Variants in MUC3A observed in about 807,000 individuals in gnomAD.
MUC3A encodes the protein mucin 3A, cell surface associated.
Under a neutral mutation model 109.0 loss-of-function variants are expected in MUC3A, and 109 were observed. That is an observed-to-expected ratio of 1.00 (90% confidence interval 0.86 to 1.17). The LOEUF (loss-of-function observed/expected upper bound fraction) is 1.17. Among genes scored for constraint, MUC3A ranks in the 50% most tolerant of loss-of-function variants. MUC3A has a pLI of 0.00. For missense variants in MUC3A, 3,537 were observed against 2,469.4 expected, an observed-to-expected ratio of 1.43 and a Z score of -9.16; for synonymous variants, 1,398 against 981.4, an observed-to-expected ratio of 1.42 and a Z score of -7.93.
intron 5 of MUC3A, 113 bp from the exon 6 acceptor site, chr7:100,964,582 T>C (rs2116220025): frequency 1.4e-6 from 2 of 1,451,888 alleles, no homozygotes; most frequent in East Asian, 4.8e-5. Context: ...TCCCAACTCA[T>C]GACCTCTGCT....
chr7:100,965,453 G>A (rs887011881), intron 7 of MUC3A, 106 bp downstream of exon 7: 2 of 1,522,336 alleles, frequency 1.3e-6, no homozygotes, highest in African/African-American at 1.4e-5. Flanking sequence ...TTTGGGGGAG[G>A]CAAGTCATGT....
rs1792397442 is a variant in MUC3A, at chr7:100,963,175, T to A, written c.9077T>A (p.Met3026Lys). 1 of 1,592,442 alleles carries A rather than the reference T, an allele frequency of 6.3e-7. No individual in the cohort carries two copies. Among genetic ancestry groups the A allele is most frequent in the Non-Finnish European group, 8.5e-7 (1 of 1,176,812 alleles). The change falls in exon 4 of 12, where the codon ATG (methionine) becomes AAG (lysine). Residue 3026 changes from methionine (M) to lysine (K), a missense_variant. Met to Lys is a moderately conservative substitution (Grantham distance 95). Coordinates refer to ENST00000379458, the MANE Select transcript of MUC3A (RefSeq NM_005960.2). ...DLDVVETEVG[M>K]EVSVDQQFSP... ...GATGTAGTGGAGACCGAGGTGGGCA[T>A]GGAAGTGTCTGTGGATCAGCAGTTC...
Position 100,963,286 on chromosome 7 carries a change from GAT to G in MUC3A, c.9168+21_9168+22del. On this transcript the variant is annotated intron_variant, in intron 4 of 11. Coordinates refer to ENST00000379458, the MANE Select transcript of MUC3A (RefSeq NM_005960.2). ...AATCAGGTAAAGGGCAAAGAGAGGG[GAT>G]TTTTTTTTTTTTTTTGAGGTGTAGT... The G allele has an allele frequency of 6.7e-7, 1 of 1,494,782 alleles. No homozygotes were observed. The highest frequency in any genetic ancestry group is 8.9e-7 in the Non-Finnish European group (1 of 1,120,422). The allele number at this position is 1,494,782 out of a possible 1,614,324, so 92.6% of individuals were successfully genotyped here. A position where few individuals can be genotyped will look rare whatever the true frequency, so the allele number is the denominator to read the frequency against.
Position 100,966,865 on chromosome 7 carries a change from C to T in MUC3A, c.9878-34C>T, listed in dbSNP as rs753583090. ...CCTCTCCCTTCCGTCCCCTCCCTCTCCCCTTCTCTTTCTCCGCTCCTCTCT... is the reference window on the plus strand; with the variant it reads ...CCTCTCCCTTCCGTCCCCTCCCTCTTCCCTTCTCTTTCTCCGCTCCTCTCT... On this transcript the variant is annotated intron_variant, in intron 10 of 11. Transcript: ENST00000379458. 2.1e-5 allele frequency: 34 copies of T among 1,598,490 alleles called. No homozygotes were observed. The African/African-American group carries it at 3.2e-4, about 15-fold the overall frequency.
At chr7:100,966,595 C>T (rs754457734) in intron 9 of MUC3A, 36 bp downstream of exon 9, 35 of 1,590,346 alleles carry the variant, frequency 2.2e-5, no homozygotes, top group South Asian at 1.8e-4. Flanking sequence ...GGGGCGAGGG[C>T]AGCCAAGGGG....
intron 8 of MUC3A, 200 bp downstream of exon 8, chr7:100,966,066 C>CAA: frequency 4.0e-6 from 3 of 756,876 alleles, no homozygotes; most frequent in South Asian, 2.5e-5. Context: ...GGGTTGAGTC[C>CAA]TGTCCCCTAA....
chr7:100,963,228 C>T lies in MUC3A; in HGVS notation c.9130C>T (p.Gln3044Ter), dbSNP rs1256012743. Residue 3044 changes from glutamine (Q) to a stop codon, truncating the protein, a stop_gained, in exon 4 of 12, where the codon CAG becomes TAG. Transcript: ENST00000379458. LOFTEE classifies it high-confidence loss of function. ...FSPDLNDNTS[Q>*]AYRDFNKTFW... ...GCCGGACCTCAATGACAACACTTCC[C>T]AGGCCTACAGGGATTTCAACAAGAC... is the stretch of plus-strand genomic sequence containing the variant. 2 of 1,598,264 alleles carry T rather than the reference C, an allele frequency of 1.3e-6. No individual in the cohort carries two copies. Among genetic ancestry groups the T allele is most frequent in the Admixed American group, 1.7e-5 (1 of 60,006 alleles).
intron 8 of MUC3A, 22 bp downstream of exon 8, chr7:100,965,888 G>A (rs751523486): frequency 6.3e-7 from 1 of 1,576,590 alleles, no homozygotes; most frequent in Non-Finnish European, 8.6e-7. Flanking sequence ...CTCACCATCG[G>A]CATCAGCCGA....
rs1258783515 is a variant in MUC3A at position 100,965,294 on chromosome 7, A to T, written c.9395A>T (p.Lys3132Met). 3 of 1,599,138 alleles carry T rather than the reference A, an allele frequency of 1.9e-6. No individual in the cohort carries two copies. In the African/African-American group the frequency reaches 4.0e-5, roughly 21 times the overall value. ...TGTGTTTCCGCAGCCCTGTGTTTTA[A>T]GCCTGACTCCATCAAGGTGAACAAC... ...SCQDSQTLCF[K>M]PDSIKVNNNS... Residue 3132 changes from lysine (K) to methionine (M), a missense_variant, in exon 7 of 12, where the codon AAG becomes ATG. By Grantham distance (95) the Lys-to-Met change is moderately conservative. Coordinates refer to ENST00000379458, the MANE Select transcript of MUC3A (RefSeq NM_005960.2).
intron 4 of MUC3A, 105 bp from the exon 5 acceptor site, chr7:100,963,583 C>G (rs1315694679): frequency 3.9e-6 from 6 of 1,555,128 alleles, no homozygotes; most frequent in Non-Finnish European, 5.2e-6. Context: ...CGGCACCCGG[C>G]CGGGGAGGGG....
rs898076519 is a variant in MUC3A at position 100,953,242 on chromosome 7, C to G, written c.1463C>G (p.Ser488Cys). The G allele has an allele frequency of 1.8e-5, 10 of 557,558 alleles. No homozygotes were observed. The South Asian group carries it at 2.5e-4, about 14-fold the overall frequency. The allele number at this position is 557,558 out of a possible 1,614,324, so 34.5% of individuals were successfully genotyped here. Residue 488 changes from serine (S) to cysteine (C), a missense_variant, in exon 2 of 12, where the codon TCC becomes TGC. Coordinates refer to ENST00000379458, the MANE Select transcript of MUC3A (RefSeq NM_005960.2). ...SAMSTSVIPS[S>C]PSIQNTETSS... ...ATGTCCACGAGTGTCATTCCATCTT[C>G]CCCCAGCATTCAGAATACAGAAACC... is the stretch of plus-strand genomic sequence containing the variant.
Position 100,959,390 on chromosome 7 carries a change from C to A in MUC3A, c.7611C>A (p.Thr2537=). The change falls in exon 2 of 12, where the codon ACC becomes ACA. Residue 2537 remains threonine, a synonymous_variant. Coordinates refer to ENST00000379458, the MANE Select transcript of MUC3A (RefSeq NM_005960.2). ...CTCCCTCCATCCAAAGTACAGAAAC[C>A]TCATCCCTTGTGGGCACCACCTCTC... ...SSSPSIQSTE[T]SSLVGTTSPT... 1.3e-6 allele frequency: 2 copies of A among 1,537,174 alleles called. No individual in the cohort carries two copies. Among genetic ancestry groups the A allele is most frequent in the Admixed American group, 1.9e-5 (1 of 51,302 alleles).
chr7:100,957,277 C>T lies in MUC3A; in HGVS notation c.5498C>T (p.Ser1833Phe). The T allele has an allele frequency of 1.8e-6, 1 of 554,002 alleles. No homozygotes were observed. Among genetic ancestry groups the T allele is most frequent in the South Asian group, 2.6e-5 (1 of 39,122 alleles). The allele number at this position is 554,002 out of a possible 1,614,324, so 34.3% of individuals were successfully genotyped here. A position where few individuals can be genotyped will look rare whatever the true frequency, so the allele number is the denominator to read the frequency against. The change falls in exon 2 of 12, where the codon TCT becomes TTT. Residue 1833 changes from serine to phenylalanine, a missense_variant. Coordinates refer to ENST00000379458, the MANE Select transcript of MUC3A (RefSeq NM_005960.2). Reference sequence around the variant, plus strand: ...ACATTCTCCAATTCCGACACCAGTTCTACACCTACATCTGAGACCACCTAC... The same window carrying T: ...ACATTCTCCAATTCCGACACCAGTTTTACACCTACATCTGAGACCACCTAC... ...VTTFSNSDTS[S>F]TPTSETTYPT...
chr7:100,951,805 T>C (rs764488760), intron 1 of MUC3A, 36 bp from the exon 2 acceptor site: 1 of 1,586,460 alleles, frequency 6.3e-7, no homozygotes, highest in Non-Finnish European at 8.5e-7. Flanking sequence ...ACCCACGGAT[T>C]TACCAGTGGA....
At position 100,949,648 on chromosome 7, in the gene MUC3A, C is replaced by T. The variant is rs1791878419; in HGVS notation, c.24C>T (p.Gly8=). The change falls in exon 1 of 12, where the codon GGC becomes GGT. Residue 8 remains glycine, a synonymous_variant. Coordinates refer to ENST00000379458, the MANE Select transcript of MUC3A (RefSeq NM_005960.2). ...CCATGCAGCTGTTGGGGCTCCTCGG[C>T]CTCCTCTGGATGCTCAAGGCCTCCC... MQLLGLL[G]LLWMLKASPW... is the part of the protein sequence containing the mutation. 6.4e-7 allele frequency: 1 copy of T among 1,557,064 alleles called. No homozygotes were observed. Among genetic ancestry groups the T allele is most frequent in the Non-Finnish European group, 8.6e-7 (1 of 1,158,934 alleles).
chr7:100,958,935 T>TCA lies in MUC3A; in HGVS notation c.7156_7157insCA (p.Leu2386SerfsTer86), dbSNP rs1792201086. On this transcript the variant is annotated frameshift_variant, in exon 2 of 12. Transcript: ENST00000379458. LOFTEE classifies it high-confidence loss of function. ...TTCAATCACCACCACTGAGACCCCC[T>TCA]TACACAGTACTCCTGGCCTCACTTC... The TCA allele has an allele frequency of 6.3e-7, 1 of 1,580,400 alleles. No individual in the cohort carries two copies. The highest frequency in any genetic ancestry group is 1.4e-5 in the African/African-American group (1 of 72,638).
chr7:100,965,145 CG>C, intron 6 of MUC3A, 136 bp from the exon 7 acceptor site: 1 of 1,383,334 alleles, frequency 7.2e-7, no homozygotes, highest in Non-Finnish European at 9.8e-7. Flanking sequence ...TGGCTCTCTC[CG>C]TCTGGGAGAG....
chr7:100,950,158 C>G (rs77897521), intron 1 of MUC3A, among the ~76,000 whole-genome samples: 45 of 152,310 alleles, frequency 3.0e-4, no homozygotes, highest in African/African-American at 9.9e-4. Context: ...CTGGTTTCAG[C>G]CTCTCTGCCT....
In MUC3A at chr7:100,965,453, G is replaced by T. The variant is rs887011881; in HGVS notation, c.9448+106G>T. The stretch of plus-strand genomic sequence containing the variant: ...GGGCAGGGAGAGACCTTTGGGGGAG[G>T]CAAGTCATGTGGCCCAGGGCGGCCC... On this transcript the variant is annotated intron_variant, in intron 7 of 11. Transcript: ENST00000379458. The T allele has an allele frequency of 1.4e-5, 22 of 1,522,424 alleles. No homozygotes were observed. In the Admixed American group the frequency reaches 2.9e-4, roughly 20 times the overall value. 94.3% of individuals were successfully genotyped at this position (1,522,424 alleles called of 1,614,324 possible). A position where few individuals can be genotyped will look rare whatever the true frequency, so the allele number is the denominator to read the frequency against.
Sources: gnomAD v4.1 joint callset for allele counts (sites outside exome capture counted in the v4.1 genomes callset) on GRCh38, gnomAD v4.1.1 for gene constraint, MANE v1.5 for transcripts, NCBI Gene and HGNC (gene_info 2026-07-23, HGNC 2026-07-21) for gene names.